PLXDC2: variants seen among roughly 807,000 people sequenced by gnomAD.
PLXDC2 encodes plexin domain containing 2.
A neutral mutation model predicts 68.9 loss-of-function variants in PLXDC2; 40 were observed. The ratio of observed to expected loss-of-function variants is 0.58; its 90% CI spans 0.45 to 0.76. PLXDC2 has a LOEUF of 0.76. PLXDC2 is among the 30% of genes least tolerant of loss of function. The pLI is 0.00. For synonymous variants in PLXDC2, 243 were observed against 234.2 expected (o/e 1.04, Z -0.34); for missense variants, 644 against 661.9 (o/e 0.97, Z 0.30).
chr10:19,863,294 A>G (rs1311960528), intron 1 of PLXDC2, among the ~76,000 whole-genome samples: 1 of 152,222 alleles, frequency 6.6e-6, no homozygotes, highest in Non-Finnish European at 1.5e-5. Context: ...TGCAGATCCC[A>G]GTTCAAAACA....
At chr10:19,931,947 T>C (rs1833642157) in intron 1 of PLXDC2, among the ~76,000 whole-genome samples, 1 of 90,496 alleles carries the variant, frequency 1.1e-5, no homozygotes, top group African/African-American at 5.5e-5. Flanking sequence ...TCTTCTAATT[T>C]GGGAAGTGTG....
intron 2 of PLXDC2, among the ~76,000 whole-genome samples, chr10:20,023,472 T>C (rs1273165419): frequency 6.6e-6 from 1 of 152,170 alleles, no homozygotes; most frequent in Non-Finnish European, 1.5e-5. Context: ...ATGAAGGTTC[T>C]GCCTCATGAA....
chr10:19,947,996 C>G (rs1217829719), intron 1 of PLXDC2, among the ~76,000 whole-genome samples: 1 of 152,130 alleles, frequency 6.6e-6, no homozygotes, highest in African/African-American at 2.4e-5. Context: ...GACTGTGTTA[C>G]TCACTTTAAT....
chr10:20,143,157 A>G, intron 4 of PLXDC2, 138 bp from the exon 5 acceptor site: 1 of 887,646 alleles, frequency 1.1e-6, no homozygotes, highest in Non-Finnish European at 1.6e-6. Flanking sequence ...ATACTAAGAT[A>G]TTAAATATGT....
At chr10:19,966,221 C>T (rs1834246655) in intron 1 of PLXDC2, among the ~76,000 whole-genome samples, 1 of 124,822 alleles carries the variant, frequency 8.0e-6, no homozygotes, top group Admixed American at 7.5e-5. Flanking sequence ...ACTACGTATA[C>T]ATATATACAC....
intron 9 of PLXDC2, among the ~76,000 whole-genome samples, chr10:20,210,345 C>T (rs1835052235): frequency 6.6e-6 from 1 of 152,068 alleles, no homozygotes; most frequent in South Asian, 2.1e-4. Flanking sequence ...TTGTACTGTA[C>T]TCACCTATTT....
At chr10:19,999,905 T>C (rs1589578150) in intron 1 of PLXDC2, among the ~76,000 whole-genome samples, 1 of 152,186 alleles carries the variant, frequency 6.6e-6, no homozygotes, top group Non-Finnish European at 1.5e-5. Context: ...ATTTAAAATA[T>C]AGAATAACAA....
At chr10:19,863,672 T>G (rs1837359838) in intron 1 of PLXDC2, among the ~76,000 whole-genome samples, 1 of 152,224 alleles carries the variant, frequency 6.6e-6, no homozygotes, top group Admixed American at 6.5e-5. Flanking sequence ...TTTCATATCA[T>G]TTTAATATAT....
At chr10:20,174,530 A>T (rs1408123873) in intron 7 of PLXDC2, among the ~76,000 whole-genome samples, 9 of 152,014 alleles carry the variant, frequency 5.9e-5, no homozygotes, top group Admixed American at 1.3e-4. Context: ...CTAGCCCCAA[A>T]AGGGTTTGCT....
intron 3 of PLXDC2, among the ~76,000 whole-genome samples, chr10:20,051,659 C>T (rs1835903796): frequency 1.3e-5 from 2 of 151,798 alleles, no homozygotes; most frequent in South Asian, 4.1e-4. Flanking sequence ...GCTTTGCTAG[C>T]CAGTCTTGTG....
intron 3 of PLXDC2, among the ~76,000 whole-genome samples, chr10:20,063,452 A>T (rs916888505): frequency 6.6e-6 from 1 of 152,200 alleles, no homozygotes; most frequent in Non-Finnish European, 1.5e-5. Context: ...CCAGATTCTT[A>T]GCTCTTTATT....
intron 1 of PLXDC2, among the ~76,000 whole-genome samples, chr10:19,892,921 CTTT>C (rs61406547): frequency 1.0e-4 from 13 of 130,496 alleles, no homozygotes; most frequent in Non-Finnish European, 8.3e-5. Context: ...TTGAAATGGT[CTTT>C]TTTTTTTTTT....
chr10:20,102,104 T>G (rs1037462692), intron 4 of PLXDC2, among the ~76,000 whole-genome samples: 1 of 152,202 alleles, frequency 6.6e-6, no homozygotes, highest in East Asian at 1.9e-4. Context: ...CCCAGTCAGT[T>G]TTTTACCAGC....
chr10:19,977,821 C>A (rs1271659157), intron 1 of PLXDC2, among the ~76,000 whole-genome samples: 3 of 152,088 alleles, frequency 2.0e-5, no homozygotes, highest in Admixed American at 1.3e-4. Flanking sequence ...ACCCTTACGA[C>A]CTAATCTGAG....
chr10:20,064,770 C>A (rs557780959), intron 3 of PLXDC2, among the ~76,000 whole-genome samples: 3 of 152,224 alleles, frequency 2.0e-5, no homozygotes, highest in African/African-American at 7.2e-5. Flanking sequence ...TCACTCACTC[C>A]CAACTTTTAA....
chr10:19,921,112 C>CTTTT (rs57207021), intron 1 of PLXDC2, among the ~76,000 whole-genome samples: 1 of 137,554 alleles, frequency 7.3e-6, no homozygotes, highest in South Asian at 2.3e-4. Flanking sequence ...TTTTCTTCTT[C>CTTTT]TTTTTTTTTT....
At chr10:19,863,944 AC>A (rs1837366940) in intron 1 of PLXDC2, among the ~76,000 whole-genome samples, 1 of 152,142 alleles carries the variant, frequency 6.6e-6, no homozygotes, top group Admixed American at 6.5e-5. Context: ...AATACAACAT[AC>A]TGTTTTCTTA....
At chr10:19,899,156 G>A (rs1020044199) in intron 1 of PLXDC2, among the ~76,000 whole-genome samples, 3 of 152,096 alleles carry the variant, frequency 2.0e-5, no homozygotes, top group Non-Finnish European at 4.4e-5. Flanking sequence ...TGTGGTTTTC[G>A]TTTTCATCTG....
At chr10:20,007,604 T>C (rs1835047679) in intron 2 of PLXDC2, among the ~76,000 whole-genome samples, 1 of 152,232 alleles carries the variant, frequency 6.6e-6, no homozygotes, top group African/African-American at 2.4e-5. Context: ...AGTTTCATGA[T>C]AAAAGTGACT....
Sources: allele counts gnomAD v4.1 joint callset (sites outside exome capture counted in the v4.1 genomes callset), GRCh38; gene constraint gnomAD v4.1.1; transcripts MANE v1.5; gene names NCBI Gene and HGNC (gene_info 2026-07-23, HGNC 2026-07-21).